CCDC192: variants seen among roughly 807,000 people sequenced by gnomAD.
CCDC192 encodes coiled-coil domain containing 192, also known as coiled-coil domain-containing protein 192.
At chr5:127,940,976 T>G in intron 6 of CCDC192, 1 of 376,992 alleles carries the variant, frequency 2.7e-6, no homozygotes, top group Non-Finnish European at 4.7e-6. Context: ...GCTCCCAAGT[T>G]TTGTTTTGTT....
At chr5:127,816,462 T>C (rs1034776612) in intron 5 of CCDC192, among the ~76,000 whole-genome samples, 1 of 152,144 alleles carries the variant, frequency 6.6e-6, no homozygotes, top group Non-Finnish European at 1.5e-5. Flanking sequence ...TTAAGCAGAA[T>C]AGGTATTAAG....
intron 2 of CCDC192, among the ~76,000 whole-genome samples, chr5:127,742,742 CTCT>C (rs1272562163): frequency 6.6e-6 from 1 of 152,062 alleles, no homozygotes; most frequent in Non-Finnish European, 1.5e-5. Flanking sequence ...AAGAAATATC[CTCT>C]TAACACCAAA....
At chr5:127,721,474 G>A (rs1336355474) in intron 2 of CCDC192, among the ~76,000 whole-genome samples, 3 of 152,134 alleles carry the variant, frequency 2.0e-5, no homozygotes, top group Non-Finnish European at 4.4e-5. Flanking sequence ...ATCACTATCA[G>A]GATTTTGGTC....
chr5:127,733,733 T>C (rs941516782), intron 2 of CCDC192, among the ~76,000 whole-genome samples: 1 of 152,054 alleles, frequency 6.6e-6, no homozygotes, highest in African/African-American at 2.4e-5. Flanking sequence ...ATATTACTTC[T>C]AAGTCTTCTA....
chr5:127,890,285 G>A (rs545128423), intron 6 of CCDC192, among the ~76,000 whole-genome samples: 6 of 152,132 alleles, frequency 3.9e-5, no homozygotes, highest in Admixed American at 3.9e-4. Context: ...GCTGAAATGG[G>A]AGGATCACTT....
intron 6 of CCDC192, among the ~76,000 whole-genome samples, chr5:127,907,161 A>G (rs943369334): frequency 6.6e-6 from 1 of 152,190 alleles, no homozygotes; most frequent in Non-Finnish European, 1.5e-5. Flanking sequence ...GAATTTGGAA[A>G]AAGTTACAAG....
rs1753491091 is a variant in CCDC192, at chr5:127,915,387, C to A, written c.536-25795C>A. ...AGCCCAACAAAACTTCATAAACTTT[C>A]TTTTTTTTGTTTTTGAGATGGAGCC... On this transcript the variant is annotated intron_variant, in intron 6 of 6. Transcript: ENST00000514853. 2.0e-5 allele frequency among the ~76,000 whole-genome samples: 3 copies of A among 151,990 alleles called. No individual in the cohort carries two copies. The South Asian group carries it at 6.2e-4, about 32-fold the overall frequency.
intron 5 of CCDC192, among the ~76,000 whole-genome samples, chr5:127,845,099 T>C (rs1198170463): frequency 6.6e-6 from 1 of 152,102 alleles, no homozygotes; most frequent in Non-Finnish European, 1.5e-5. Flanking sequence ...AAAAGCAGCA[T>C]TTGGAATAAA....
At chr5:127,912,506 A>C (rs1753403213) in intron 6 of CCDC192, among the ~76,000 whole-genome samples, 1 of 151,412 alleles carries the variant, frequency 6.6e-6, no homozygotes, top group Non-Finnish European at 1.5e-5. Context: ...AGATGTTTAG[A>C]GCTTACTCTG....
At chr5:127,728,193 A>C (rs1752441695) in intron 2 of CCDC192, among the ~76,000 whole-genome samples, 1 of 152,154 alleles carries the variant, frequency 6.6e-6, no homozygotes, top group African/African-American at 2.4e-5. Flanking sequence ...AATCCAGAGA[A>C]CCCCAATAAG....
chr5:127,706,443 C>T (rs1251715960), intron 1 of CCDC192, among the ~76,000 whole-genome samples: 1 of 146,390 alleles, frequency 6.8e-6, no homozygotes, highest in African/African-American at 2.5e-5. Context: ...AGTAGAATCA[C>T]TTGAACCCGG....
At chr5:127,725,545 T>A (rs1752272350) in intron 2 of CCDC192, among the ~76,000 whole-genome samples, 1 of 152,236 alleles carries the variant, frequency 6.6e-6, no homozygotes, top group African/African-American at 2.4e-5. Context: ...ATATCTGATA[T>A]TCCCATTTAT....
rs1047276817 is a variant in CCDC192 at position 127,830,674 on chromosome 5, T to G, written c.411+32512T>G. On this transcript the variant is annotated intron_variant, in intron 5 of 6. Transcript: ENST00000514853. ...GGGATAGGACATCAATATGTGAATTTGTGAGGTGGGGGACACAATTTGGCC... is the reference window on the plus strand; with the variant it reads ...GGGATAGGACATCAATATGTGAATTGGTGAGGTGGGGGACACAATTTGGCC... Among the ~76,000 whole-genome samples, 4 of 151,992 alleles carry G rather than the reference T, an allele frequency of 2.6e-5. No individual in the cohort carries two copies. The East Asian group carries it at 7.7e-4, about 29-fold the overall frequency.
intron 5 of CCDC192, among the ~76,000 whole-genome samples, chr5:127,807,674 T>C (rs2126992747): frequency 6.6e-6 from 1 of 152,264 alleles, no homozygotes; most frequent in Admixed American, 6.5e-5. Flanking sequence ...AGATTTCTGT[T>C]CTACCCCTAA....
intron 3 of CCDC192, among the ~76,000 whole-genome samples, chr5:127,781,546 C>A (rs921018897): frequency 6.7e-6 from 1 of 148,208 alleles, no homozygotes; most frequent in Non-Finnish European, 1.5e-5. Flanking sequence ...CGTCTTTCAC[C>A]TCCTTGGTTA....
At chr5:127,790,234 C>T (rs563726651) in intron 3 of CCDC192, among the ~76,000 whole-genome samples, 2 of 152,156 alleles carry the variant, frequency 1.3e-5, no homozygotes, top group African/African-American at 4.8e-5. Flanking sequence ...ATCACCCCTT[C>T]CTTCTTTCAT....
chr5:127,757,796 ACACTCTCTCT>A (rs1326178183), intron 3 of CCDC192, among the ~76,000 whole-genome samples: 1,186 of 106,594 alleles, frequency 0.011, 18 homozygotes, highest in African/African-American at 0.036. Context: ...ACACACACAC[ACACTCTCTCT>A]CTCTCTCTCT....
intron 5 of CCDC192, among the ~76,000 whole-genome samples, chr5:127,835,943 A>G (rs1202564473): frequency 6.6e-6 from 1 of 152,102 alleles, no homozygotes; most frequent in Admixed American, 6.5e-5. Flanking sequence ...TTCAAAACCA[A>G]TCATGCCTTC....
chr5:127,751,418 T>C (rs560120055), intron 2 of CCDC192, among the ~76,000 whole-genome samples: 60 of 152,210 alleles, frequency 3.9e-4, no homozygotes, highest in Non-Finnish European at 7.6e-4. Flanking sequence ...AAAATTCTTT[T>C]CTTTAAGAAT....
Sources: gnomAD v4.1 joint callset for allele counts (sites outside exome capture counted in the v4.1 genomes callset) on GRCh38, gnomAD v4.1.1 for gene constraint, MANE v1.5 for transcripts, NCBI Gene and HGNC (gene_info 2026-07-23, HGNC 2026-07-21) for gene names.